The following MYO16 variants were observed in gnomAD, a reference collection of about 807,000 sequenced individuals.
MYO16 encodes the protein myosin XVI, also known as unconventional myosin-XVI.
In MYO16, 94 loss-of-function variants were observed where a neutral mutation model predicts 205.3. That is an observed-to-expected ratio of 0.46 (90% CI 0.39 to 0.54). MYO16 has a LOEUF of 0.54. MYO16 is among the 20% of genes least tolerant of loss of function. The pLI, the probability that MYO16 is intolerant of heterozygous loss-of-function variation, is 0.00. For missense variants in MYO16, 2,315 were observed against 2,387.5 expected (o/e 0.97, Z 0.63); for synonymous variants, 988 against 954.0 (o/e 1.04, Z -0.66).
chr13:108,891,346 T>C (rs544459609), intron 14 of MYO16, among the ~76,000 whole-genome samples: 1 of 152,338 alleles, frequency 6.6e-6, no homozygotes, highest in Admixed American at 6.5e-5. Flanking sequence ...ATACAACCTT[T>C]TGTTTTTCAT....
chr13:109,171,527 C>T (rs769731953), intron 33 of MYO16, among the ~76,000 whole-genome samples: 3 of 152,306 alleles, frequency 2.0e-5, no homozygotes, highest in South Asian at 2.1e-4. Flanking sequence ...GTTATGTGTG[C>T]GTAATTATAG....
chr13:108,776,264 A>G (rs34804738), intron 4 of MYO16, among the ~76,000 whole-genome samples: 14 of 152,316 alleles, frequency 9.2e-5, no homozygotes, highest in Admixed American at 9.2e-4. Flanking sequence ...TGCACATAGC[A>G]TGAATTGGGA....
intron 24 of MYO16, among the ~76,000 whole-genome samples, chr13:109,048,153 A>ATGTGTGTG (rs34750704): frequency 2.8e-5 from 4 of 141,084 alleles, no homozygotes; most frequent in African/African-American, 1.1e-4. Context: ...TTAATAGGAT[A>ATGTGTGTG]TGTGTGTGTG....
intron 14 of MYO16, among the ~76,000 whole-genome samples, chr13:108,889,574 A>T (rs901319033): frequency 2.6e-5 from 4 of 152,168 alleles, no homozygotes; most frequent in Non-Finnish European, 4.4e-5. Flanking sequence ...CCAATAACCA[A>T]TCCAAAAGAA....
chr13:108,871,730 G>A (rs1309461435), intron 12 of MYO16, among the ~76,000 whole-genome samples: 1 of 152,118 alleles, frequency 6.6e-6, no homozygotes, highest in Admixed American at 6.6e-5. Flanking sequence ...GACACTTAGG[G>A]TGACTTTCTG....
the MYO16 span, among the ~76,000 whole-genome samples, chr13:108,503,390 GTTC>G: frequency 6.6e-6 from 1 of 151,986 alleles, no homozygotes; most frequent in African/African-American, 2.4e-5. Flanking sequence ...AAGCAGACCT[GTTC>G]TTCATAATTT....
At chr13:109,132,035 G>T (rs78049239) in intron 31 of MYO16, among the ~76,000 whole-genome samples, 1 of 152,170 alleles carries the variant, frequency 6.6e-6, no homozygotes, top group Non-Finnish European at 1.5e-5. Flanking sequence ...CGTAGCAAGC[G>T]CACAGCAAAG....
At chr13:108,739,292 G>A (rs1300847744) in intron 4 of MYO16, among the ~76,000 whole-genome samples, 5 of 152,204 alleles carry the variant, frequency 3.3e-5, no homozygotes, top group Admixed American at 1.3e-4. Context: ...TCCTTTCCAT[G>A]TTTAGTGTTT....
intron 1 of MYO16, among the ~76,000 whole-genome samples, chr13:108,645,506 C>G (rs1880713898): frequency 6.6e-6 from 1 of 152,150 alleles, no homozygotes; most frequent in Admixed American, 6.5e-5. Context: ...ACTCTGTGCC[C>G]CGATCTCCTT....
intron 16 of MYO16, among the ~76,000 whole-genome samples, chr13:108,923,817 T>C (rs1053626055): frequency 6.6e-6 from 1 of 152,228 alleles, no homozygotes; most frequent in African/African-American, 2.4e-5. Flanking sequence ...ATAGTAAACC[T>C]CATCAACAAG....
chr13:108,997,330 AAGAAAGAAAGAGAGAGAGAGAGAGAG>A (rs1885048224), intron 21 of MYO16, among the ~76,000 whole-genome samples: 1 of 5,898 alleles, frequency 1.7e-4, no homozygotes, highest in Non-Finnish European at 3.0e-4. Context: ...GAAAGAAAGA[AAGAAAGAAAGAGAGAGAGAGAGAGAG>A]AGAGAGAGAG....
At chr13:108,773,221 G>A (rs1886024605) in intron 4 of MYO16, among the ~76,000 whole-genome samples, 1 of 152,160 alleles carries the variant, frequency 6.6e-6, no homozygotes, top group South Asian at 2.1e-4. Context: ...AAGTTAAAAT[G>A]TTAGCATATA....
At chr13:108,810,794 G>T (rs1482139169) in intron 7 of MYO16, among the ~76,000 whole-genome samples, 1 of 152,090 alleles carries the variant, frequency 6.6e-6, no homozygotes, top group Non-Finnish European at 1.5e-5. Flanking sequence ...CTCTTATAAA[G>T]ACCTTATAAA....
At chr13:108,605,219 T>G (rs980589848) in intron 1 of MYO16, among the ~76,000 whole-genome samples, 1 of 152,226 alleles carries the variant, frequency 6.6e-6, no homozygotes, top group African/African-American at 2.4e-5. Context: ...ATTTGAAAGC[T>G]AAATATAGCC....
intron 12 of MYO16, among the ~76,000 whole-genome samples, chr13:108,876,542 G>T (rs1879334612): frequency 6.6e-6 from 1 of 151,964 alleles, no homozygotes; most frequent in Non-Finnish European, 1.5e-5. Context: ...TTATCTTGAA[G>T]TTATCCTTCC....
At chr13:108,957,648 G>T in intron 16 of MYO16, 40 bp from the exon 17 acceptor site, 1 of 1,429,948 alleles carries the variant, frequency 7.0e-7, no homozygotes, top group South Asian at 1.2e-5. Context: ...AGTCTGACCG[G>T]AAGCCAGGCG....
At chr13:109,018,898 G>A (rs1885924250) in intron 22 of MYO16, among the ~76,000 whole-genome samples, 1 of 151,866 alleles carries the variant, frequency 6.6e-6, no homozygotes. Context: ...CCTGTCTTCT[G>A]TGTCAATCAC....
rs753126980 is a variant in MYO16 at position 109,055,527 on chromosome 13, C to T, written c.3267C>T (p.Val1089=). The T allele has an allele frequency of 6.2e-7, 1 of 1,613,184 alleles. No individual in the cohort carries two copies. The highest frequency in any genetic ancestry group is 8.5e-7 in the Non-Finnish European group (1 of 1,179,454). Residue 1089 remains valine, a synonymous_variant, in exon 27 of 35, where the codon GTC becomes GTT. Transcript: ENST00000457511. This position sits in a 1 kb window ranked among gnomAD's most constrained non-coding sequence, Gnocchi z 5.0. ...CTGCTCAGCTACAATATATTGGGGT[C>T]CTGGAGATGGTGAAGATCTTCCGAT... is the stretch of plus-strand genomic sequence containing the variant. ...YVSAQLQYIG[V]LEMVKIFRYG...
At chr13:108,901,003 G>C (rs756138343) in intron 15 of MYO16, among the ~76,000 whole-genome samples, 7 of 152,144 alleles carry the variant, frequency 4.6e-5, no homozygotes, top group Admixed American at 3.3e-4. Flanking sequence ...GTAGCAGAGG[G>C]ATGAAATAAG....
Sources: gnomAD v4.1 joint callset for allele counts (sites outside exome capture counted in the v4.1 genomes callset) on GRCh38, gnomAD v4.1.1 for gene constraint, Gnocchi (gnomAD v3.1) non-coding constraint, MANE v1.5 for transcripts, NCBI Gene and HGNC (gene_info 2026-07-23, HGNC 2026-07-21) for gene names.